Variants in TEX15 observed in about 807,000 individuals in gnomAD.
The protein encoded by TEX15 is testis-expressed protein 15.
Under a neutral mutation model 237.3 loss-of-function variants are expected in TEX15, and 171 were observed. The ratio of observed to expected loss-of-function variants is 0.72; its 90% CI spans 0.64 to 0.82. The LOEUF is 0.82. Ranked by LOEUF, TEX15 falls within the 40% of genes least tolerant of loss-of-function variation. The pLI is 0.00. For missense variants in TEX15, 3,750 were observed against 3,646.5 expected (o/e 1.03, Z -0.73); for synonymous variants, 1,338 against 1,269.8 (o/e 1.05, Z -1.14).
Position 30,867,306 on chromosome 8 carries a change from G to T in TEX15, c.499C>A (p.His167Asn). Residue 167 changes from histidine to asparagine, a missense_variant, in exon 5 of 11, where the codon CAT (histidine) becomes AAT (asparagine). Physicochemically the swap from His to Asn is moderately conservative, Grantham distance 68 (BLOSUM62 1). Transcript: ENST00000643185. ...RHVDIALNYS[H>N]SQSITVESIL... ...CTTTCTACAGTAATGCTTTGACTAT[G>T]AGAATAATTCAAGGCAATATCAACA... 6.6e-7 allele frequency: 1 copy of T among 1,517,032 alleles called. No homozygotes were observed. The highest frequency in any genetic ancestry group is 8.8e-7 in the Non-Finnish European group (1 of 1,130,004). The allele number at this position is 1,517,032 out of a possible 1,614,324, so 94.0% of individuals were successfully genotyped here. A position where few individuals can be genotyped will look rare whatever the true frequency, so the allele number is the denominator to read the frequency against.
Position 30,845,838 on chromosome 8 carries a change from A to G in TEX15, c.4329T>C (p.Thr1443=). The G allele has an allele frequency of 1.2e-6, 2 of 1,609,572 alleles. No homozygotes were observed. The highest frequency in any genetic ancestry group is 1.3e-5 in the African/African-American group (1 of 74,614). The change falls in exon 8 of 11, where the codon ACT becomes ACC. Residue 1443 remains threonine (T), a synonymous_variant. Coordinates refer to ENST00000643185, the MANE Select transcript of TEX15 (RefSeq NM_001350162.2). ...SSVSQRKYYS[T]KHFSSKRKYD... is the part of the protein sequence containing the mutation. ...ATTTTCTTTTTGACGAAAAATGCTT[A>G]GTAGAATAATATTTTCTTTGAGACA...
At chr8:30,833,456 A>G in intron 10 of TEX15, 133 bp from the exon 11 acceptor site, 2 of 571,024 alleles carry the variant, frequency 3.5e-6, no homozygotes, top group Non-Finnish European at 5.9e-6. Flanking sequence ...AAGTAGCCAT[A>G]GGGTCATCAG....
At chr8:30,871,158 C>G (rs118121127) in intron 4 of TEX15, among the ~76,000 whole-genome samples, 1,940 of 152,152 alleles carry the variant, frequency 0.013, 22 homozygotes, top group Non-Finnish European at 0.02. Context: ...ACTAATATCA[C>G]CTCAGATAAT....
intron 10 of TEX15, among the ~76,000 whole-genome samples, chr8:30,834,586 T>A (rs1344218869): frequency 1.3e-5 from 2 of 152,184 alleles, no homozygotes; most frequent in Non-Finnish European, 2.9e-5. Flanking sequence ...ATTATTACAA[T>A]ACCACCTAAT....
chr8:30,851,019 C>A (rs999838748), intron 7 of TEX15, among the ~76,000 whole-genome samples: 1 of 152,096 alleles, frequency 6.6e-6, no homozygotes, highest in African/African-American at 2.4e-5. Flanking sequence ...TAATATGGTT[C>A]ATGGAAGTAT....
intron 2 of TEX15, among the ~76,000 whole-genome samples, chr8:30,896,033 T>A (rs1808900181): frequency 6.6e-6 from 1 of 152,084 alleles, no homozygotes; most frequent in Non-Finnish European, 1.5e-5. Context: ...CTTGTGAAGT[T>A]CTTTCATTTT....
intron 1 of TEX15, among the ~76,000 whole-genome samples, chr8:30,900,042 G>T (rs1045658200): frequency 3.9e-5 from 6 of 152,096 alleles, no homozygotes; most frequent in African/African-American, 1.2e-4. Flanking sequence ...CCAAATTCTA[G>T]ATCTTTTTTC....
chr8:30,869,770 G>A (rs552073409), intron 4 of TEX15, among the ~76,000 whole-genome samples: 4 of 151,942 alleles, frequency 2.6e-5, no homozygotes, highest in South Asian at 4.2e-4. Context: ...TCAAAAACCC[G>A]GTATCATAGT....
At position 30,843,981 on chromosome 8, in the gene TEX15, T is replaced by G; in HGVS notation, c.6186A>C (p.Lys2062Asn). Residue 2062 changes from lysine to asparagine, a missense_variant, in exon 8 of 11, where the codon AAA becomes AAC. Coordinates refer to ENST00000643185, the MANE Select transcript of TEX15 (RefSeq NM_001350162.2). ...CAACAGCACATGGTTTTAATGTGTG[T>G]TTGCAATTATTCCACAGGTTTTGGT... is the stretch of plus-strand genomic sequence containing the variant. ...LVDQNLWNNCKHTLKPCAVDT... is the reference protein window; with the variant it reads ...LVDQNLWNNCNHTLKPCAVDT... 6.2e-7 allele frequency: 1 copy of G among 1,612,986 alleles called. No homozygotes were observed. The highest frequency in any genetic ancestry group is 1.1e-5 in the South Asian group (1 of 90,938).
Position 30,903,937 on chromosome 8 carries a change from T to C in TEX15, c.-85-5120A>G, listed in dbSNP as rs548962341. On this transcript the variant is annotated intron_variant, in intron 1 of 10. Coordinates refer to ENST00000643185, the MANE Select transcript of TEX15 (RefSeq NM_001350162.2). Reference sequence around the variant, plus strand: ...AGATCAATCATGTACAACCCCAAACTGAGTGTATTCTCTGCTCAAACAGAT... The same window carrying C: ...AGATCAATCATGTACAACCCCAAACCGAGTGTATTCTCTGCTCAAACAGAT... 2.0e-5 allele frequency among the ~76,000 whole-genome samples: 3 copies of C among 152,308 alleles called. No individual in the cohort carries two copies. The East Asian group carries it at 5.8e-4, about 29-fold the overall frequency.
rs746314769 is a variant in TEX15 at position 30,845,981 on chromosome 8, T to A, written c.4186A>T (p.Thr1396Ser). Residue 1396 changes from threonine (T) to serine (S), a missense_variant, in exon 8 of 11, where the codon ACA becomes TCA. Physicochemically the swap from Thr to Ser is moderately conservative, Grantham distance 58. Transcript: ENST00000643185. Reference sequence around the variant, plus strand: ...ACTTTAGTTATAAGCTGCAAAGATGTGTGAACTCTTCTATGAGCTTTTTTT... The same window carrying A: ...ACTTTAGTTATAAGCTGCAAAGATGAGTGAACTCTTCTATGAGCTTTTTTT... ...HLKKAHRRVH[T>S]SLQLITKVGE... is the part of the protein sequence containing the mutation. 6.2e-7 allele frequency: 1 copy of A among 1,613,146 alleles called. No individual in the cohort carries two copies.
intron 2 of TEX15, chr8:30,887,803 T>C: frequency 6.6e-6 from 1 of 150,848 alleles, no homozygotes; most frequent in East Asian, 2.0e-4. Context: ...TCTATCTCAA[T>C]ATATATATTT....
chr8:30,888,885 G>T (rs1228195297), intron 2 of TEX15, among the ~76,000 whole-genome samples: 1 of 152,166 alleles, frequency 6.6e-6, no homozygotes, highest in Admixed American at 6.6e-5. Context: ...AAGAAAGCCA[G>T]CCCTTCTTCC....
In TEX15 at chr8:30,907,589, CATT is replaced by C. The variant is rs922394974; in HGVS notation, c.-86+5287_-86+5289del. Among the ~76,000 whole-genome samples, 371 of 137,944 alleles carry C rather than the reference CATT, an allele frequency of 2.7e-3. 2 individuals carry two copies. Among genetic ancestry groups the C allele is most frequent in the East Asian group, 0.01 (50 of 4,858 alleles). 90.5% of individuals were successfully genotyped at this position (137,944 alleles called of 152,430 possible). ...AATTTATTATATATAAATTAATATA[CATT>C]ATATTTAATTATATAATTACATATA... On this transcript the variant is annotated intron_variant, in intron 1 of 10. Transcript: ENST00000643185.
At chr8:30,884,924 G>A (rs1298681181) in intron 3 of TEX15, among the ~76,000 whole-genome samples, 1 of 151,876 alleles carries the variant, frequency 6.6e-6, no homozygotes, top group African/African-American at 2.4e-5. Context: ...GTAAATTACT[G>A]ATTTTAGATA....
chr8:30,888,395 C>T (rs1402844394), intron 2 of TEX15, among the ~76,000 whole-genome samples: 1 of 152,186 alleles, frequency 6.6e-6, no homozygotes, highest in Non-Finnish European at 1.5e-5. Flanking sequence ...ACTACTGTTC[C>T]ATGGTATCAT....
In TEX15 at chr8:30,858,678, A is replaced by C. The variant is rs549022743; in HGVS notation, c.840T>G (p.Pro280=). 1.3e-6 allele frequency: 2 copies of C among 1,532,936 alleles called. No individual in the cohort carries two copies. The highest frequency in any genetic ancestry group is 4.9e-5 in the East Asian group (2 of 40,878). The allele number at this position is 1,532,936 out of a possible 1,614,324, so 95.0% of individuals were successfully genotyped here. A position where few individuals can be genotyped will look rare whatever the true frequency, so the allele number is the denominator to read the frequency against. Residue 280 remains proline (P), a synonymous_variant, in exon 7 of 11, where the codon CCT becomes CCG. Transcript: ENST00000643185. ...ATATGTGTATCTTACCAGCTCTCTT[A>C]GGAAATCCTGTTGAGAGGAATCTCA... ...TSLRFLSTGF[P]KRAERTCSLN... is the part of the protein sequence containing the mutation.
In TEX15 at chr8:30,847,239, T is replaced by C. The variant is rs1044887490; in HGVS notation, c.2928A>G (p.Ser976=). ...TTGCAGCATTTGAGGCTACACACAC[T>C]GAAGAACTTGCAGTTTTGGGAAATG... ...STTFPKTASS[S]VCVASNAAIQ... is the part of the protein sequence containing the mutation. The change falls in exon 8 of 11, where the codon TCA becomes TCG. Residue 976 remains serine, a synonymous_variant. Coordinates refer to ENST00000643185, the MANE Select transcript of TEX15 (RefSeq NM_001350162.2). 9 of 1,613,972 alleles carry C rather than the reference T, an allele frequency of 5.6e-6. No homozygotes were observed. The highest frequency in any genetic ancestry group is 6.8e-6 in the Non-Finnish European group (8 of 1,179,860).
Position 30,875,011 on chromosome 8 carries a change from C to T in TEX15, c.228G>A (p.Leu76=). 7.2e-7 allele frequency: 1 copy of T among 1,395,280 alleles called. No individual in the cohort carries two copies. Among genetic ancestry groups the T allele is most frequent in the South Asian group, 1.8e-5 (1 of 55,706 alleles). The allele number at this position is 1,395,280 out of a possible 1,614,324, so 86.4% of individuals were successfully genotyped here. Residue 76 remains leucine (L), a synonymous_variant, in exon 4 of 11, where the codon CTG becomes CTA. Transcript: ENST00000643185. ...TATCCCCAAACTGCCATAACGACTG[C>T]AGATCACAGTTTACATCAAGCCTGC... ...NQCRLDVNCD[L]QSLWQFGDTK... is the part of the protein sequence containing the mutation.
Sources: allele counts gnomAD v4.1 joint callset (sites outside exome capture counted in the v4.1 genomes callset), GRCh38; gene constraint gnomAD v4.1.1; transcripts MANE v1.5; gene names NCBI Gene and HGNC (gene_info 2026-07-23, HGNC 2026-07-21).